SPTB: variants seen among roughly 807,000 people sequenced by gnomAD.
SPTB encodes spectrin beta chain, erythrocytic.
In SPTB, 45 loss-of-function variants were observed where a neutral mutation model predicts 256.2. The observed-to-expected ratio is 0.18, with a 90% CI of 0.14 to 0.23. The LOEUF (loss-of-function observed/expected upper bound fraction) is 0.23. Among genes scored for constraint, SPTB ranks in the 10% least tolerant of loss-of-function variants. The pLI is 1.00. For missense variants in SPTB, 2,715 were observed against 3,040.4 expected (o/e 0.89, Z 2.52); for synonymous variants, 1,231 against 1,243.1 (o/e 0.99, Z 0.21).
chr14:64,829,131 A>G (rs2139720385), intron 1 of SPTB, among the ~76,000 whole-genome samples: 1 of 152,340 alleles, frequency 6.6e-6, no homozygotes, highest in East Asian at 1.9e-4. Flanking sequence ...ATCATGACCT[A>G]TGACGTTCTT....
At chr14:64,762,736 G>T (rs2082112235) in intron 32 of SPTB, among the ~76,000 whole-genome samples, 1 of 152,236 alleles carries the variant, frequency 6.6e-6, no homozygotes, top group African/African-American at 2.4e-5. Context: ...CCTTGGGGAA[G>T]AGAGCTTTCC....
chr14:64,749,247 G>C lies in SPTB; in HGVS notation c.*59C>G. Reference sequence around the variant, plus strand: ...GCGGGCGGCGGCGAGAGGAGGCCAAGGCCTGGGCTGCCCGGTCTCTGCGCG... The same window carrying C: ...GCGGGCGGCGGCGAGAGGAGGCCAACGCCTGGGCTGCCCGGTCTCTGCGCG... On this transcript the variant is annotated 3_prime_UTR_variant, in exon 36 of 36. Transcript: ENST00000644917. The surrounding 1 kb of genome is among the most constrained non-coding windows in gnomAD (Gnocchi z 4.7). The C allele has an allele frequency of 6.5e-7, 1 of 1,532,816 alleles. No homozygotes were observed. The highest frequency in any genetic ancestry group is 1.2e-5 in the South Asian group (1 of 83,924). The allele number at this position is 1,532,816 out of a possible 1,614,324, so 95.0% of individuals were successfully genotyped here.
chr14:64,789,546 C>A (rs1034449495), intron 15 of SPTB, among the ~76,000 whole-genome samples: 1 of 152,030 alleles, frequency 6.6e-6, no homozygotes, highest in African/African-American at 2.4e-5. Context: ...GGGCGGTCAG[C>A]GGGGGCCATG....
intron 1 of SPTB, among the ~76,000 whole-genome samples, chr14:64,861,172 G>T (rs2083962793): frequency 6.6e-6 from 1 of 152,110 alleles, no homozygotes; most frequent in Non-Finnish European, 1.5e-5. Context: ...ACACAGAGAG[G>T]GGAACAACAC....
chr14:64,851,368 T>C (rs1011021075), intron 1 of SPTB, among the ~76,000 whole-genome samples: 4 of 152,188 alleles, frequency 2.6e-5, no homozygotes, highest in Middle Eastern at 6.8e-3. Flanking sequence ...CTTTATGGAG[T>C]TGTTGTGAAT....
chr14:64,861,259 T>C (rs908955179), intron 1 of SPTB, among the ~76,000 whole-genome samples: 1 of 152,138 alleles, frequency 6.6e-6, no homozygotes, highest in African/African-American at 2.4e-5. Context: ...CAAACCACCA[T>C]GGCACATGTA....
chr14:64,803,056 C>T (rs74056022), intron 4 of SPTB, among the ~76,000 whole-genome samples: 10,380 of 152,154 alleles, frequency 0.068, 478 homozygotes, highest in East Asian at 0.2. Flanking sequence ...GGTCTTTAGT[C>T]CGCGAGTTGT....
chr14:64,773,134 G>T, intron 25 of SPTB, 86 bp downstream of exon 25: 1 of 1,577,494 alleles, frequency 6.3e-7, no homozygotes. Context: ...TACGTCCTAT[G>T]CAGCACTCTG....
chr14:64,794,998 C>T (rs369476373), intron 12 of SPTB, among the ~76,000 whole-genome samples: 16 of 152,310 alleles, frequency 1.1e-4, no homozygotes, highest in Middle Eastern at 6.8e-3. Context: ...GGATTCTAAC[C>T]AGAGTCAAAT....
rs1348101046 is a variant in SPTB, at chr14:64,841,216, C to G, written c.-51-18071G>C. On this transcript the variant is annotated intron_variant, in intron 1 of 35. Coordinates refer to ENST00000644917, the MANE Select transcript of SPTB (RefSeq NM_001355436.2). The surrounding 1 kb of genome is among the most constrained non-coding windows in gnomAD (Gnocchi z 4.6). Reference sequence around the variant, plus strand: ...TCAGGAAACTGAGGCTTAGAGGGTTCAGTGACTTGCCCCAGTACATCAGCC... The same window carrying G: ...TCAGGAAACTGAGGCTTAGAGGGTTGAGTGACTTGCCCCAGTACATCAGCC... Among the ~76,000 whole-genome samples the G allele has an allele frequency of 1.3e-5, 2 of 152,112 alleles. No individual in the cohort carries two copies. The highest frequency in any genetic ancestry group is 2.9e-5 in the Non-Finnish European group (2 of 68,016).
Position 64,772,996 on chromosome 14 carries a change from G to A in SPTB, c.5179-42C>T, listed in dbSNP as rs1370998003. On this transcript the variant is annotated intron_variant, in intron 25 of 35. Transcript: ENST00000644917. The surrounding 1 kb of genome is among the most constrained non-coding windows in gnomAD (Gnocchi z 5.4). ...CAGAAATGTGGTTATGGGGGGCACA[G>A]GGGTTACAGGTGTCACCAGCTTAGC... 6.3e-7 allele frequency: 1 copy of A among 1,586,198 alleles called. No homozygotes were observed. Among genetic ancestry groups the A allele is most frequent in the Admixed American group, 1.7e-5 (1 of 59,138 alleles).
chr14:64,840,259 T>C (rs145713006), intron 1 of SPTB, among the ~76,000 whole-genome samples: 17 of 152,318 alleles, frequency 1.1e-4, no homozygotes, highest in Middle Eastern at 3.4e-3. Context: ...CACCTTAGGA[T>C]CCCTCCAAGT....
Position 64,796,571 on chromosome 14 carries a change from G to A in SPTB, c.1327C>T (p.Arg443Cys), listed in dbSNP as rs372278924. 25 of 1,614,186 alleles carry A rather than the reference G, an allele frequency of 1.5e-5. No individual in the cohort carries two copies. The highest frequency in any genetic ancestry group is 3.3e-5 in the South Asian group (3 of 91,078). ...MRETWLSENQ[R>C]LVAQDNFGYD... ...TCCCTCATTACCTGGGCCACGAGGC[G>A]CTGGTTTTCACTGAGCCAGGTCTCT... is the stretch of plus-strand genomic sequence containing the variant. Residue 443 changes from arginine to cysteine, a missense_variant, in exon 11 of 36, where the codon CGC becomes TGC. By Grantham distance (180) the Arg-to-Cys change is radical (BLOSUM62 -3). This residue lies in a region of SPTB where 416 missense variants were observed against 571.1 expected (regional missense o/e 0.73). Coordinates refer to ENST00000644917, the MANE Select transcript of SPTB (RefSeq NM_001355436.2). The surrounding 1 kb of genome is among the most constrained non-coding windows in gnomAD (Gnocchi z 4.1).
At position 64,788,813 on chromosome 14, in the gene SPTB, A is replaced by T. The variant is rs140243650; in HGVS notation, c.2805-1653T>A. ...TGAGATGGAGGAGGTTGATAGAGCC[A>T]CTCTAGTTATCACTGGTCAGGCAAC... is the stretch of plus-strand genomic sequence containing the variant. On this transcript the variant is annotated intron_variant, in intron 15 of 35. Coordinates refer to ENST00000644917, the MANE Select transcript of SPTB (RefSeq NM_001355436.2). Among the ~76,000 whole-genome samples the T allele has an allele frequency of 4.6e-5, 7 of 152,152 alleles. No individual in the cohort carries two copies. The East Asian group carries it at 1.4e-3, about 29-fold the overall frequency.
intron 1 of SPTB, among the ~76,000 whole-genome samples, chr14:64,877,884 A>G (rs72625648): frequency 0.086 from 13,037 of 152,274 alleles, 661 homozygotes; most frequent in African/African-American, 0.13. Context: ...GTCATCTAGC[A>G]GGCGTTCTGC....
Position 64,800,530 on chromosome 14 carries a change from T to C in SPTB, c.876+226A>G, listed in dbSNP as rs193041503. On this transcript the variant is annotated intron_variant, in intron 8 of 35. Transcript: ENST00000644917. ...ACATGGGTCTCAGGTGGACCAGGTG[T>C]TCGCCAGGTACAGAGCAGCCAGCTG... Among the ~76,000 whole-genome samples, 9 of 152,302 alleles carry C rather than the reference T, an allele frequency of 5.9e-5. No individual in the cohort carries two copies. The East Asian group carries it at 1.7e-3, about 29-fold the overall frequency.
In SPTB at chr14:64,747,502, G is replaced by A. The variant is rs1457291391; in HGVS notation, c.*1804C>T. On this transcript the variant is annotated 3_prime_UTR_variant, in exon 36 of 36. Coordinates refer to ENST00000644917, the MANE Select transcript of SPTB (RefSeq NM_001355436.2). ...CTCACCAGGGCGGGAACCTGGGGAT[G>A]TCAGGCTCCATCGGATGACGTCTTC... 6.5e-6 allele frequency: 1 copy of A among 152,736 alleles called. No homozygotes were observed. The highest frequency in any genetic ancestry group is 1.9e-4 in the East Asian group (1 of 5,186). The allele number at this position is 152,736 out of a possible 1,614,324, so 9.5% of individuals were successfully genotyped here.
chr14:64,863,169 C>G (rs1286252975), intron 1 of SPTB, among the ~76,000 whole-genome samples: 1 of 152,142 alleles, frequency 6.6e-6, no homozygotes, highest in African/African-American at 2.4e-5. Flanking sequence ...GCCCCAAGAT[C>G]TGGGTCCCTG....
intron 2 of SPTB, 24 bp downstream of exon 2, chr14:64,822,923 A>G: frequency 6.2e-7 from 1 of 1,612,736 alleles, no homozygotes; most frequent in Non-Finnish European, 8.5e-7. Flanking sequence ...AATGCCCTCC[A>G]ACCCTTGTGG....
Sources: allele counts gnomAD v4.1 joint callset (sites outside exome capture counted in the v4.1 genomes callset), GRCh38; gene constraint gnomAD v4.1.1; regional missense constraint gnomAD v4.1.1; non-coding constraint Gnocchi (gnomAD v3.1); transcripts MANE v1.5; gene names NCBI Gene and HGNC (gene_info 2026-07-23, HGNC 2026-07-21).